Variants in MYO5B observed in about 807,000 individuals in gnomAD.
MYO5B encodes unconventional myosin-Vb.
Under a neutral mutation model 229.3 loss-of-function variants are expected in MYO5B, and 143 were observed. That is an observed-to-expected ratio of 0.62 (90% confidence interval 0.54 to 0.72). The LOEUF (loss-of-function observed/expected upper bound fraction) is 0.72. MYO5B is among the 30% of genes least tolerant of loss of function. The pLI is 0.00. For synonymous variants in MYO5B, 918 were observed against 885.2 expected, an observed-to-expected ratio of 1.04 and a Z score of -0.66; for missense variants, 2,321 against 2,331.0, an observed-to-expected ratio of 1.00 and a Z score of 0.09.
intron 1 of MYO5B, among the ~76,000 whole-genome samples, chr18:50,128,478 T>C (rs2032202325): frequency 6.6e-6 from 1 of 152,054 alleles, no homozygotes; most frequent in Admixed American, 6.5e-5. Flanking sequence ...TGGATAAGCG[T>C]AGAAAAGCCT....
chr18:49,902,985 G>T (rs1224587744), intron 20 of MYO5B, 152 bp from the exon 21 acceptor site: 4 of 1,007,596 alleles, frequency 4.0e-6, no homozygotes, highest in Non-Finnish European at 5.8e-6. Context: ...CTAAGGCTTT[G>T]GTGGTTGTTT....
intron 26 of MYO5B, among the ~76,000 whole-genome samples, chr18:49,874,668 T>C (rs1369912354): frequency 6.6e-6 from 1 of 152,006 alleles, no homozygotes; most frequent in Non-Finnish European, 1.5e-5. Flanking sequence ...AGGGAAGGGG[T>C]AGGGATTGAG....
intron 16 of MYO5B, among the ~76,000 whole-genome samples, chr18:49,930,594 T>C (rs1001584329): frequency 6.6e-6 from 1 of 152,020 alleles, no homozygotes; most frequent in African/African-American, 2.4e-5. Context: ...ACACAAATCA[T>C]AAAAACTAAT....
intron 5 of MYO5B, 60 bp from the exon 6 acceptor site, chr18:49,992,491 T>C: frequency 6.2e-7 from 1 of 1,611,598 alleles, no homozygotes; most frequent in Non-Finnish European, 8.5e-7. Context: ...GATTTCAGGA[T>C]TGTATGTTTG....
chr18:49,850,029 G>C (rs11876375), intron 31 of MYO5B: 87,312 of 357,190 alleles, frequency 0.24, 13,407 homozygotes, highest in East Asian at 0.57. Flanking sequence ...GCCCTGGGAA[G>C]GAACGGACAG....
intron 22 of MYO5B, among the ~76,000 whole-genome samples, chr18:49,882,302 G>A (rs1407009414): frequency 6.6e-6 from 1 of 151,852 alleles, no homozygotes; most frequent in African/African-American, 2.4e-5. Context: ...CACAGATCCT[G>A]GGCTCTATAA....
chr18:50,179,124 G>A (rs2033038335), intron 1 of MYO5B, among the ~76,000 whole-genome samples: 1 of 152,166 alleles, frequency 6.6e-6, no homozygotes, highest in Admixed American at 6.5e-5. Context: ...GTGACAGCAG[G>A]TTAAAGCTCT....
chr18:50,194,622 G>T, intron 1 of MYO5B, 145 bp downstream of exon 1: 2 of 543,736 alleles, frequency 3.7e-6, no homozygotes, highest in Non-Finnish European at 6.4e-6. Context: ...GGGACTCCGA[G>T]GACAGTGACG....
chr18:49,995,927 A>C (rs2025982560), intron 5 of MYO5B, among the ~76,000 whole-genome samples: 1 of 152,214 alleles, frequency 6.6e-6, no homozygotes, highest in Admixed American at 6.5e-5. Context: ...AAATTTTACT[A>C]TTCCTTTACA....
chr18:50,085,567 A>T (rs2031312058), intron 1 of MYO5B, among the ~76,000 whole-genome samples: 2 of 152,274 alleles, frequency 1.3e-5, no homozygotes, highest in South Asian at 4.1e-4. Context: ...ATTACTGGGT[A>T]TATACCCAAA....
At chr18:49,833,955 TTCTG>T (rs2023955598) in intron 39 of MYO5B, among the ~76,000 whole-genome samples, 1 of 152,170 alleles carries the variant, frequency 6.6e-6, no homozygotes, top group Non-Finnish European at 1.5e-5. Flanking sequence ...TCGACTGTGT[TTCTG>T]TCATTGCCCT....
At chr18:50,144,759 T>C (rs1056455030) in intron 1 of MYO5B, among the ~76,000 whole-genome samples, 2 of 152,192 alleles carry the variant, frequency 1.3e-5, no homozygotes, top group East Asian at 1.9e-4. Flanking sequence ...GGATTATGAA[T>C]GTGAAAGGCC....
intron 18 of MYO5B, 140 bp downstream of exon 18, chr18:49,911,922 T>C (rs1005834196): frequency 5.3e-6 from 4 of 761,342 alleles, no homozygotes; most frequent in African/African-American, 5.2e-5. Context: ...GTCACTGATG[T>C]AGGAAAATGG....
intron 1 of MYO5B, among the ~76,000 whole-genome samples, chr18:50,132,968 A>G (rs1024977559): frequency 6.6e-6 from 1 of 152,144 alleles, no homozygotes; most frequent in Admixed American, 6.6e-5. Context: ...AATCAGTGGG[A>G]GGGGGAAATT....
chr18:50,147,902 G>A (rs1439645404), intron 1 of MYO5B, among the ~76,000 whole-genome samples: 1 of 152,034 alleles, frequency 6.6e-6, no homozygotes, highest in Non-Finnish European at 1.5e-5. Context: ...TAGCGGATGT[G>A]AAAAATGGGG....
At chr18:50,040,649 T>C (rs1180356015) in intron 2 of MYO5B, among the ~76,000 whole-genome samples, 1 of 152,216 alleles carries the variant, frequency 6.6e-6, no homozygotes, top group Non-Finnish European at 1.5e-5. Flanking sequence ...ACTTCCTTGA[T>C]TGGCCCCATT....
chr18:50,116,375 G>A (rs1422543379), intron 1 of MYO5B, among the ~76,000 whole-genome samples: 1 of 152,156 alleles, frequency 6.6e-6, no homozygotes, highest in African/African-American at 2.4e-5. Context: ...GAACACCTGG[G>A]AAGCAGGATG....
chr18:50,043,607 TATAA>T (rs1015864629), intron 2 of MYO5B, among the ~76,000 whole-genome samples: 40 of 132,188 alleles, frequency 3.0e-4, no homozygotes, highest in African/African-American at 3.2e-4. Context: ...TATATAAATA[TATAA>T]ATATATATAA....
intron 33 of MYO5B, among the ~76,000 whole-genome samples, chr18:49,845,707 A>C (rs2024116717): frequency 6.7e-6 from 1 of 149,840 alleles, no homozygotes; most frequent in Non-Finnish European, 1.5e-5. Context: ...TCTTTCCCAC[A>C]GGACTCTCTC....
Sources: gnomAD v4.1 joint callset for allele counts (sites outside exome capture counted in the v4.1 genomes callset) on GRCh38, gnomAD v4.1.1 for gene constraint, MANE v1.5 for transcripts, NCBI Gene and HGNC (gene_info 2026-07-23, HGNC 2026-07-21) for gene names.